Variants in ADK observed in about 807,000 individuals in gnomAD.
The protein encoded by ADK is N6,N6-dimethyladenosine kinase.
Under a neutral mutation model 44.7 loss-of-function variants are expected in ADK, and 24 were observed. The observed-to-expected ratio is 0.54, with a 90% CI of 0.39 to 0.76. The LOEUF (loss-of-function observed/expected upper bound fraction) is 0.76. Among genes scored for constraint, ADK ranks in the 30% least tolerant of loss-of-function variants. The pLI, the probability that ADK is intolerant of heterozygous loss-of-function variation, is 0.00. For missense variants in ADK, 321 were observed against 425.1 expected, an observed-to-expected ratio of 0.76 and a Z score of 2.15; for synonymous variants, 128 against 142.6, an observed-to-expected ratio of 0.90 and a Z score of 0.73.
intron 9 of ADK, among the ~76,000 whole-genome samples, chr10:74,657,635 C>G (rs574665676): frequency 1.4e-4 from 21 of 152,062 alleles, no homozygotes; most frequent in African/African-American, 5.1e-4. Flanking sequence ...AAAACATATA[C>G]CAGTCTCAAG....
At chr10:74,235,677 T>C (rs996218548) in intron 3 of ADK, among the ~76,000 whole-genome samples, 1 of 152,252 alleles carries the variant, frequency 6.6e-6, no homozygotes, top group Non-Finnish European at 1.5e-5. Context: ...AATTTTCCTG[T>C]GTGGGAGTGA....
At chr10:74,308,458 A>G (rs1840327822) in intron 3 of ADK, among the ~76,000 whole-genome samples, 1 of 152,208 alleles carries the variant, frequency 6.6e-6, no homozygotes. Flanking sequence ...TGAGTTTTTT[A>G]AAACCTCACT....
intron 3 of ADK, among the ~76,000 whole-genome samples, chr10:74,286,162 C>G (rs940615600): frequency 3.9e-5 from 6 of 152,134 alleles, no homozygotes; most frequent in African/African-American, 1.4e-4. Context: ...AAGTGATTCT[C>G]CTGCCTCAGC....
intron 3 of ADK, among the ~76,000 whole-genome samples, chr10:74,247,396 G>A (rs1038999186): frequency 2.0e-5 from 3 of 151,366 alleles, no homozygotes; most frequent in African/African-American, 7.3e-5. Flanking sequence ...GTGCCACCAT[G>A]CCTGGCTAAT....
At chr10:74,461,403 GC>G (rs1846168314) in intron 6 of ADK, among the ~76,000 whole-genome samples, 1 of 152,030 alleles carries the variant, frequency 6.6e-6, no homozygotes, top group Non-Finnish European at 1.5e-5. Flanking sequence ...AAGGAAAAAA[GC>G]CTGGTAATAG....
At chr10:74,193,184 C>T (rs1397744838) in intron 1 of ADK, among the ~76,000 whole-genome samples, 1 of 151,798 alleles carries the variant, frequency 6.6e-6, no homozygotes, top group Non-Finnish European at 1.5e-5. Flanking sequence ...TTAATATAGC[C>T]ACTGTATAGT....
intron 6 of ADK, among the ~76,000 whole-genome samples, chr10:74,519,674 T>C (rs1027376293): frequency 1.6e-4 from 24 of 152,092 alleles, no homozygotes; most frequent in African/African-American, 5.8e-4. Flanking sequence ...ATTGTTTCTT[T>C]AGTTACTAGA....
Position 74,598,426 on chromosome 10 carries a change from C to A in ADK, c.763-1953C>A, listed in dbSNP as rs571574917. Among the ~76,000 whole-genome samples the A allele has an allele frequency of 1.1e-3, 169 of 148,796 alleles. 3 individuals carry two copies. The highest frequency in any genetic ancestry group is 4.1e-3 in the African/African-American group (164 of 40,380). On this transcript the variant is annotated intron_variant, in intron 8 of 10. Coordinates refer to ENST00000539909, the MANE Select transcript of ADK (RefSeq NM_006721.4). ...TCTCACAGGGTTGGTAGAAAGCAAC[C>A]ATGGAATCTTATTCCTTTTTTTTTT... is the stretch of plus-strand genomic sequence containing the variant.
intron 4 of ADK, chr10:74,371,737 T>C: frequency 1.4e-6 from 2 of 1,387,900 alleles, no homozygotes; most frequent in Admixed American, 1.7e-5. Context: ...ATTGTTGCCA[T>C]TGAAAACCCT....
At chr10:74,706,075 T>C (rs1396546521) in intron 10 of ADK, among the ~76,000 whole-genome samples, 1 of 152,162 alleles carries the variant, frequency 6.6e-6, no homozygotes, top group African/African-American at 2.4e-5. Context: ...AACTTATACA[T>C]GTAATCCCAG....
At position 74,201,672 on chromosome 10, in the gene ADK, G is replaced by C. The variant is rs372026789; in HGVS notation, c.140+834G>C. 5.4e-3 allele frequency among the ~76,000 whole-genome samples: 726 copies of C among 134,534 alleles called. 1 individual carries two copies. Among genetic ancestry groups the C allele is most frequent in the Non-Finnish European group, 6.6e-3 (423 of 64,514 alleles). The allele number at this position is 134,534 out of a possible 152,430, so 88.3% of individuals were successfully genotyped here. A position where few individuals can be genotyped will look rare whatever the true frequency, so the allele number is the denominator to read the frequency against. ...TGTATGTATGTATGTATGTATGTAT[G>C]TATGTATCTATCTATCTATCTATCT... is the stretch of plus-strand genomic sequence containing the variant. On this transcript the variant is annotated intron_variant, in intron 2 of 10. Coordinates refer to ENST00000539909, the MANE Select transcript of ADK (RefSeq NM_006721.4).
At chr10:74,179,906 C>T (rs1454506301) in intron 1 of ADK, among the ~76,000 whole-genome samples, 1 of 152,116 alleles carries the variant, frequency 6.6e-6, no homozygotes, top group South Asian at 2.1e-4. Context: ...TAGATCGGGA[C>T]CCCTTTCTGT....
intron 7 of ADK, among the ~76,000 whole-genome samples, chr10:74,530,960 GTC>G (rs2133668039): frequency 6.6e-6 from 1 of 152,248 alleles, no homozygotes; most frequent in South Asian, 2.1e-4. Flanking sequence ...GACCCTTGCA[GTC>G]TCTTTTAATG....
chr10:74,366,985 T>A (rs1255715376), intron 4 of ADK, among the ~76,000 whole-genome samples: 1 of 152,224 alleles, frequency 6.6e-6, no homozygotes, highest in Non-Finnish European at 1.5e-5. Context: ...ACACATTGTA[T>A]GTGTTCATTC....
intron 3 of ADK, among the ~76,000 whole-genome samples, chr10:74,233,139 ATTAG>A (rs1844841080): frequency 6.6e-6 from 1 of 152,196 alleles, no homozygotes; most frequent in Non-Finnish European, 1.5e-5. Flanking sequence ...GTCTTGGGGT[ATTAG>A]TTAGAATTCA....
At chr10:74,460,673 A>G (rs1846144639) in intron 6 of ADK, among the ~76,000 whole-genome samples, 1 of 152,186 alleles carries the variant, frequency 6.6e-6, no homozygotes. Flanking sequence ...CAATTTAAAT[A>G]CTGCATTTAA....
chr10:74,444,346 G>T (rs370754686), intron 6 of ADK, among the ~76,000 whole-genome samples: 1 of 152,092 alleles, frequency 6.6e-6, no homozygotes, highest in African/African-American at 2.4e-5. Flanking sequence ...TTTTAATGGG[G>T]CAGAGTTGTC....
intron 4 of ADK, among the ~76,000 whole-genome samples, chr10:74,359,038 A>G (rs1235967279): frequency 1.3e-5 from 2 of 152,148 alleles, no homozygotes; most frequent in Non-Finnish European, 2.9e-5. Context: ...GGCTTCAAGC[A>G]ATCCTCCTGT....
intron 3 of ADK, among the ~76,000 whole-genome samples, chr10:74,273,147 C>T (rs1846506296): frequency 6.6e-6 from 1 of 151,052 alleles, no homozygotes; most frequent in Admixed American, 6.6e-5. Context: ...AGAAAACCTT[C>T]AGCTGTCTGG....
Sources: allele counts gnomAD v4.1 joint callset (sites outside exome capture counted in the v4.1 genomes callset), GRCh38; gene constraint gnomAD v4.1.1; transcripts MANE v1.5; gene names NCBI Gene and HGNC (gene_info 2026-07-23, HGNC 2026-07-21).